The following MCTP2 variants were observed in gnomAD, a reference collection of about 807,000 sequenced individuals.
The protein encoded by MCTP2 is multiple C2 and transmembrane domain-containing protein 2.
MCTP2 carries 132 observed loss-of-function variants against 111.6 expected under a neutral mutation model. The observed-to-expected ratio is 1.18, with a 90% confidence interval of 1.03 to 1.37. The LOEUF is 1.37. MCTP2 is among the 40% of genes most tolerant of loss of function. MCTP2 has a pLI of 0.00. For missense variants in MCTP2, 1,183 were observed against 1,067.9 expected (o/e 1.11, Z -1.50); for synonymous variants, 395 against 387.7 (o/e 1.02, Z -0.22).
Position 94,367,651 on chromosome 15 carries a change from C to T in MCTP2, c.1348C>T (p.Leu450=), listed in dbSNP as rs767553882. The T allele has an allele frequency of 1.2e-6, 2 of 1,611,924 alleles. No individual in the cohort carries two copies. Among genetic ancestry groups the T allele is most frequent in the Non-Finnish European group, 8.5e-7 (1 of 1,178,928 alleles). Residue 450 remains leucine (L), a synonymous_variant, in exon 11 of 23, where the codon CTG becomes TTG. Coordinates refer to ENST00000357742, the MANE Select transcript of MCTP2 (RefSeq NM_001385001.1). ...SALPLKQANC[L]ELPLDSCLGA... ...ACTCCCTCTGAAGCAAGCCAACTGC[C>T]TGGAGCTGCCACTGGACAGCTGTCT...
chr15:94,421,740 C>G (rs2082638684), intron 17 of MCTP2, among the ~76,000 whole-genome samples: 1 of 152,166 alleles, frequency 6.6e-6, no homozygotes, highest in South Asian at 2.1e-4. Flanking sequence ...TTGTCCCACT[C>G]AGGTAATTTG....
intron 10 of MCTP2, among the ~76,000 whole-genome samples, chr15:94,365,489 G>A (rs1344587844): frequency 1.3e-5 from 2 of 152,144 alleles, no homozygotes; most frequent in Admixed American, 6.5e-5. Context: ...ATTTCATCTG[G>A]TATGTGGTTC....
intron 20 of MCTP2, among the ~76,000 whole-genome samples, chr15:94,467,310 C>G (rs1345943651): frequency 6.6e-6 from 1 of 151,946 alleles, no homozygotes; most frequent in African/African-American, 2.4e-5. Context: ...GGATTTATGT[C>G]CAGGATCTGC....
At chr15:94,316,003 T>G (rs2076361713) in intron 4 of MCTP2, among the ~76,000 whole-genome samples, 1 of 152,216 alleles carries the variant, frequency 6.6e-6, no homozygotes, top group Non-Finnish European at 1.5e-5. Context: ...GGTCATCAGA[T>G]GTACACATTG....
At chr15:94,315,436 T>C in intron 3 of MCTP2, 93 bp from the exon 4 acceptor site, 1 of 880,348 alleles carries the variant, frequency 1.1e-6, no homozygotes, top group Non-Finnish European at 1.8e-6. Context: ...ATAGTGGCCT[T>C]TCTTTTTTCC....
Position 94,358,632 on chromosome 15 carries a change from C to T in MCTP2, c.1301+20C>T. ...GGGCACGTGAGTCCCCTCTGCTTTC[C>T]AGTGGCGGGAGCATGTTTCTGCATG... On this transcript the variant is annotated intron_variant, in intron 10 of 22. Transcript: ENST00000357742. The T allele has an allele frequency of 6.2e-7, 1 of 1,612,122 alleles. No individual in the cohort carries two copies. Among genetic ancestry groups the T allele is most frequent in the Non-Finnish European group, 8.5e-7 (1 of 1,178,940 alleles).
At chr15:94,453,374 C>T (rs2152522215) in intron 19 of MCTP2, among the ~76,000 whole-genome samples, 1 of 152,310 alleles carries the variant, frequency 6.6e-6, no homozygotes, top group East Asian at 1.9e-4. Flanking sequence ...AAACAAACTG[C>T]TCTCAGATGA....
chr15:94,476,673 T>A, intron 21 of MCTP2, 23 bp from the exon 22 acceptor site: 1 of 1,152,450 alleles, frequency 8.7e-7, no homozygotes, highest in Non-Finnish European at 1.3e-6. Flanking sequence ...GATAAAGAGA[T>A]CTCCTGTGTT....
chr15:94,262,240 A>G (rs907142387), intron 1 of MCTP2, among the ~76,000 whole-genome samples: 4 of 152,202 alleles, frequency 2.6e-5, no homozygotes, highest in Non-Finnish European at 5.9e-5. Flanking sequence ...ACATTTCATG[A>G]TGCCTTTTAA....
intron 14 of MCTP2, among the ~76,000 whole-genome samples, chr15:94,394,886 G>A (rs796397811): frequency 7.9e-5 from 12 of 152,244 alleles, no homozygotes; most frequent in African/African-American, 2.6e-4. Context: ...TATATTTTAG[G>A]GATAGTTGGT....
chr15:94,311,264 T>C (rs984543055), intron 2 of MCTP2, among the ~76,000 whole-genome samples: 2 of 151,852 alleles, frequency 1.3e-5, no homozygotes, highest in Non-Finnish European at 2.9e-5. Flanking sequence ...TGACCTCAGG[T>C]GATCCGCCCA....
intron 17 of MCTP2, among the ~76,000 whole-genome samples, chr15:94,436,346 C>G (rs2083473804): frequency 6.6e-6 from 1 of 152,082 alleles, no homozygotes; most frequent in Non-Finnish European, 1.5e-5. Context: ...TTTGAAGATG[C>G]TTAGATAATT....
In MCTP2 at chr15:94,315,638, G is replaced by T. The variant is rs368719680; in HGVS notation, c.637+1G>T. ...AACCTGGTTGTCCGAGATCGCTGTG[G>T]TAAGACCTGGGTCTGTTATGGTGGG... On this transcript the variant is annotated splice_donor_variant, in intron 4 of 22. Coordinates refer to ENST00000357742, the MANE Select transcript of MCTP2 (RefSeq NM_001385001.1). LOFTEE classifies it high-confidence loss of function. The T allele has an allele frequency of 6.2e-7, 1 of 1,610,634 alleles. No homozygotes were observed. The highest frequency in any genetic ancestry group is 1.3e-5 in the African/African-American group (1 of 74,816).
At chr15:94,342,605 CAT>C (rs941478323) in intron 7 of MCTP2, 6 of 133,334 alleles carry the variant, frequency 4.5e-5, no homozygotes, top group Non-Finnish European at 8.4e-5. Context: ...CACACACACA[CAT>C]ATATATTTAT....
chr15:94,413,219 T>C (rs1034793484), intron 17 of MCTP2, among the ~76,000 whole-genome samples: 3 of 152,194 alleles, frequency 2.0e-5, no homozygotes, highest in African/African-American at 7.2e-5. Context: ...GGGATTTTAA[T>C]TTCAGCAATT....
intron 4 of MCTP2, among the ~76,000 whole-genome samples, chr15:94,320,456 T>C (rs2152375608): frequency 6.6e-6 from 1 of 152,322 alleles, no homozygotes; most frequent in South Asian, 2.1e-4. Flanking sequence ...TTATTAATCT[T>C]TGTATGCCCT....
rs1216889020 is a variant in MCTP2 at position 94,298,742 on chromosome 15, G to A, written c.465+12G>A. 3 of 1,532,768 alleles carry A rather than the reference G, an allele frequency of 2.0e-6. No homozygotes were observed. The highest frequency in any genetic ancestry group is 2.6e-6 in the Non-Finnish European group (3 of 1,142,872). The allele number at this position is 1,532,768 out of a possible 1,614,324, so 94.9% of individuals were successfully genotyped here. A position where few individuals can be genotyped will look rare whatever the true frequency, so the allele number is the denominator to read the frequency against. ...CAGAAGAGCCAGAGGTGAGAATAGG[G>A]CTGGGCTCTCTTTTTTTTTGTCTCT... On this transcript the variant is annotated intron_variant, in intron 2 of 22. Transcript: ENST00000357742.
Position 94,429,414 on chromosome 15 carries a change from G to A in MCTP2, c.2086-10762G>A, listed in dbSNP as rs555815144. ...ATGTCTCCTGTCTACAATTTTCCCC[G>A]TTCTCTCAAACTCACTCTTATCTCA... On this transcript the variant is annotated intron_variant, in intron 17 of 22. Coordinates refer to ENST00000357742, the MANE Select transcript of MCTP2 (RefSeq NM_001385001.1). Among the ~76,000 whole-genome samples, 32 of 151,972 alleles carry A rather than the reference G, an allele frequency of 2.1e-4. 1 individual carries two copies. The highest frequency in any genetic ancestry group is 6.5e-4 in the African/African-American group (27 of 41,426).
At chr15:94,373,461 TAA>T (rs2152441772) in intron 12 of MCTP2, among the ~76,000 whole-genome samples, 1 of 152,352 alleles carries the variant, frequency 6.6e-6, no homozygotes, top group East Asian at 1.9e-4. Context: ...TTACAAATGG[TAA>T]AGTCTTTAAT....
Sources: gnomAD v4.1 joint callset for allele counts (sites outside exome capture counted in the v4.1 genomes callset) on GRCh38, gnomAD v4.1.1 for gene constraint, MANE v1.5 for transcripts, NCBI Gene and HGNC (gene_info 2026-07-23, HGNC 2026-07-21) for gene names.